Variants in GTF2IRD1 observed in about 807,000 individuals in gnomAD.
GTF2IRD1 encodes GTF2I repeat domain containing 1.
In GTF2IRD1, 26 loss-of-function variants were observed where a neutral mutation model predicts 113.2. The observed-to-expected ratio is 0.23, with a 90% CI of 0.17 to 0.32. GTF2IRD1 has a LOEUF of 0.32. Ranked by LOEUF, GTF2IRD1 falls within the 10% of genes least tolerant of loss-of-function variation. The pLI is 1.00. For synonymous variants in GTF2IRD1, 484 were observed against 529.1 expected, an observed-to-expected ratio of 0.91 and a Z score of 1.17; for missense variants, 864 against 1,280.8, an observed-to-expected ratio of 0.67 and a Z score of 4.97.
intron 22 of GTF2IRD1, among the ~76,000 whole-genome samples, chr7:74,580,354 C>T (rs1554365767): frequency 1.3e-5 from 2 of 152,088 alleles, no homozygotes; most frequent in African/African-American, 2.4e-5. Flanking sequence ...CCTTGCCCTT[C>T]GCTGGCTGCG....
At chr7:74,585,735 A>C (rs1485085486) in intron 22 of GTF2IRD1, among the ~76,000 whole-genome samples, 1 of 151,960 alleles carries the variant, frequency 6.6e-6, no homozygotes, top group Non-Finnish European at 1.5e-5. Context: ...TACAAAAATC[A>C]GCCAGGTGTG....
At chr7:74,601,298 G>A in intron 26 of GTF2IRD1, 118 bp downstream of exon 26, 1 of 1,546,410 alleles carries the variant, frequency 6.5e-7, no homozygotes, top group Non-Finnish European at 8.7e-7. Context: ...TGGGCTTTGA[G>A]TGGGGACCTT....
chr7:74,538,871 G>C (rs1798464342), intron 13 of GTF2IRD1, 111 bp downstream of exon 13: 2 of 665,714 alleles, frequency 3.0e-6, no homozygotes, highest in Admixed American at 5.0e-5. Flanking sequence ...TTCTCTCTGT[G>C]GATTCTGAGA....
At chr7:74,482,318 C>G (rs1036006140) in intron 1 of GTF2IRD1, among the ~76,000 whole-genome samples, 1 of 149,226 alleles carries the variant, frequency 6.7e-6, no homozygotes, top group Non-Finnish European at 1.5e-5. Context: ...GCCTCAACCT[C>G]ATGGGATCAA....
intron 3 of GTF2IRD1, 145 bp downstream of exon 3, chr7:74,513,116 C>A: frequency 1.3e-6 from 1 of 775,492 alleles, no homozygotes; most frequent in East Asian, 2.7e-5. Flanking sequence ...CTGAGATTCC[C>A]GATGTGGTGT....
intron 14 of GTF2IRD1, among the ~76,000 whole-genome samples, chr7:74,540,758 G>T (rs1207493615): frequency 6.6e-6 from 1 of 151,880 alleles, no homozygotes; most frequent in Non-Finnish European, 1.5e-5. Flanking sequence ...AGATCAGCCT[G>T]GGCAACATAG....
chr7:74,553,560 A>T (rs1799430029), intron 17 of GTF2IRD1, among the ~76,000 whole-genome samples: 2 of 152,190 alleles, frequency 1.3e-5, no homozygotes, highest in Middle Eastern at 3.4e-3. Context: ...AAGTGCTGGG[A>T]TTACAGGTTG....
chr7:74,486,299 T>C lies in GTF2IRD1; in HGVS notation c.-6-21776T>C, dbSNP rs144857986. Among the ~76,000 whole-genome samples, 592 of 152,284 alleles carry C rather than the reference T, an allele frequency of 3.9e-3. 4 individuals carry two copies. The highest frequency in any genetic ancestry group is 6.6e-3 in the Non-Finnish European group (452 of 68,010). On this transcript the variant is annotated intron_variant, in intron 1 of 26. Transcript: ENST00000424337. ...AACAGAGGCTTAGGAGAGAGGGGTG[T>C]CTCGTGTAACAGGAGGCATGGGTGG...
At chr7:74,505,099 A>T (rs1261648175) in intron 1 of GTF2IRD1, among the ~76,000 whole-genome samples, 3 of 152,066 alleles carry the variant, frequency 2.0e-5, no homozygotes, top group Non-Finnish European at 4.4e-5. Context: ...AGCTCACTAC[A>T]GCCTCGAGCT....
intron 21 of GTF2IRD1, 43 bp downstream of exon 21, chr7:74,559,087 C>T: frequency 4.5e-6 from 7 of 1,546,094 alleles, no homozygotes; most frequent in Non-Finnish European, 6.2e-6. Context: ...AGGACTAGCT[C>T]AGATGGGAGC....
intron 22 of GTF2IRD1, among the ~76,000 whole-genome samples, chr7:74,583,381 T>C (rs1247105242): frequency 2.4e-4 from 36 of 148,968 alleles, no homozygotes; most frequent in African/African-American, 3.2e-4. Flanking sequence ...CTTTTTTTTT[T>C]TTTTTTTTTG....
At chr7:74,539,029 G>T (rs1309090854) in intron 13 of GTF2IRD1, among the ~76,000 whole-genome samples, 3 of 152,198 alleles carry the variant, frequency 2.0e-5, no homozygotes, top group African/African-American at 4.8e-5. Flanking sequence ...CTGGACAGAA[G>T]AAAAAGCCAT....
chr7:74,531,332 C>A (rs587718947), intron 9 of GTF2IRD1, among the ~76,000 whole-genome samples: 3 of 152,314 alleles, frequency 2.0e-5, no homozygotes, highest in African/African-American at 7.2e-5. Flanking sequence ...GATGGCACAA[C>A]TGCACTCCAG....
At chr7:74,458,253 T>G (rs2116863683) in intron 1 of GTF2IRD1, among the ~76,000 whole-genome samples, 1 of 152,170 alleles carries the variant, frequency 6.6e-6, no homozygotes, top group East Asian at 1.9e-4. Flanking sequence ...GGAAGGGAAT[T>G]TCCTGAAGGA....
chr7:74,461,161 C>T (rs553196000), intron 1 of GTF2IRD1, among the ~76,000 whole-genome samples: 2 of 152,260 alleles, frequency 1.3e-5, no homozygotes, highest in African/African-American at 2.4e-5. Flanking sequence ...TGTGGGACCC[C>T]CGGGGGCAGG....
chr7:74,568,353 A>AAAAAAAAG (rs1186927216), intron 22 of GTF2IRD1, among the ~76,000 whole-genome samples: 48 of 150,062 alleles, frequency 3.2e-4, no homozygotes, highest in Non-Finnish European at 1.2e-4. Flanking sequence ...AAAAAAAAAA[A>AAAAAAAAG]AAGAAGGAGA....
intron 1 of GTF2IRD1, among the ~76,000 whole-genome samples, chr7:74,465,804 C>G (rs1316013837): frequency 6.6e-6 from 1 of 152,164 alleles, no homozygotes; most frequent in Admixed American, 6.5e-5. Flanking sequence ...GAGTCTTCCT[C>G]TGTTGCCCAG....
chr7:74,485,637 T>C (rs1432571312), intron 1 of GTF2IRD1, among the ~76,000 whole-genome samples: 1 of 146,714 alleles, frequency 6.8e-6, no homozygotes, highest in Non-Finnish European at 1.5e-5. Context: ...AAAAAATAGA[T>C]GCAGCTGGGA....
At position 74,580,777 on chromosome 7, in the gene GTF2IRD1, C is replaced by T. The variant is rs199893591; in HGVS notation, c.2321-9074C>T. Among the ~76,000 whole-genome samples the T allele has an allele frequency of 1.8e-4, 27 of 152,190 alleles. No homozygotes were observed. The East Asian group carries it at 3.1e-3, about 17-fold the overall frequency. On this transcript the variant is annotated intron_variant, in intron 22 of 26. Coordinates refer to ENST00000424337, the MANE Select transcript of GTF2IRD1 (RefSeq NM_005685.4). ...TGTCCAGGGGCAGTGGGCAGGAGGT[C>T]GCTGCTGCGGGGATGGGTTCTTTCA...
Sources: gnomAD v4.1 joint callset for allele counts (sites outside exome capture counted in the v4.1 genomes callset) on GRCh38, gnomAD v4.1.1 for gene constraint, MANE v1.5 for transcripts, NCBI Gene and HGNC (gene_info 2026-07-23, HGNC 2026-07-21) for gene names.